The following RBFOX3 variants were observed in gnomAD, a reference collection of about 807,000 sequenced individuals.
RBFOX3 encodes the protein RNA binding fox-1 homolog 3.
Under a neutral mutation model 48.7 loss-of-function variants are expected in RBFOX3, and 17 were observed. That is an observed-to-expected ratio of 0.35 (90% CI 0.24 to 0.52). RBFOX3 has a LOEUF of 0.52. Among genes scored for constraint, RBFOX3 ranks in the 20% least tolerant of loss-of-function variants. The probability of loss-of-function intolerance (pLI) is 0.94; values close to 1 mark genes in which losing one functional copy is unlikely to be tolerated. For synonymous variants in RBFOX3, 212 were observed against 209.5 expected (o/e 1.01, Z -0.10); for missense variants, 382 against 497.5 (o/e 0.77, Z 2.21).
intron 3 of RBFOX3, among the ~76,000 whole-genome samples, chr17:79,279,293 T>A (rs922170): frequency 0.15 from 23,368 of 152,154 alleles, 2,647 homozygotes; most frequent in African/African-American, 0.32. Context: ...TGGCACACAG[T>A]AGGCACTCGA....
chr17:79,620,461 A>G, the RBFOX3 span, among the ~76,000 whole-genome samples: 6 of 150,382 alleles, frequency 4.0e-5, no homozygotes, highest in Non-Finnish European at 4.4e-5. Flanking sequence ...ATGCGCACAC[A>G]CATGCACACG....
chr17:79,520,754 C>T (rs899598909), intron 1 of RBFOX3, among the ~76,000 whole-genome samples: 11 of 152,182 alleles, frequency 7.2e-5, no homozygotes, highest in Non-Finnish European at 1.5e-4. Context: ...CCCTCCAGGG[C>T]GGCAGGGAAA....
At chr17:79,556,425 CATGCTG>C (rs2091765728) in intron 1 of RBFOX3, among the ~76,000 whole-genome samples, 2 of 152,106 alleles carry the variant, frequency 1.3e-5, no homozygotes, top group Non-Finnish European at 2.9e-5. Flanking sequence ...GGGGACAGAC[CATGCTG>C]GAAACAGGGT....
chr17:79,498,868 T>TCATC (rs56766707), intron 1 of RBFOX3, among the ~76,000 whole-genome samples: 45,624 of 135,304 alleles, frequency 0.34, 9,757 homozygotes, highest in Non-Finnish European at 0.43. Flanking sequence ...ACCCATTCGC[T>TCATC]CATCCATCCA....
intron 1 of RBFOX3, among the ~76,000 whole-genome samples, chr17:79,583,363 C>G (rs1251141233): frequency 6.6e-6 from 1 of 152,170 alleles, no homozygotes; most frequent in African/African-American, 2.4e-5. Flanking sequence ...TCCTGGGACC[C>G]CACGGTGACT....
chr17:79,244,864 T>C, intron 3 of RBFOX3, among the ~76,000 whole-genome samples: 1 of 147,842 alleles, frequency 6.8e-6, no homozygotes, highest in East Asian at 2.0e-4. Context: ...TTCCTTTCCT[T>C]TCCCTTCCCT....
rs1567850546 is a variant in RBFOX3, at chr17:79,212,382, CTCCT to C, written c.-34+23380_-34+23383del. On this transcript the variant is annotated intron_variant, in intron 4 of 14. Coordinates refer to ENST00000693108, the MANE Select transcript of RBFOX3 (RefSeq NM_001350451.2). The surrounding 1 kb of genome is among the most constrained non-coding windows in gnomAD (Gnocchi z 4.7). ...GCACTTGCTCCAGCCTCTCTGGCTG[CTCCT>C]TCCTTCCCTCCTGCAGCCGGGCTCC... Among the ~76,000 whole-genome samples, 2 of 152,120 alleles carry C rather than the reference CTCCT, an allele frequency of 1.3e-5. No homozygotes were observed. Among genetic ancestry groups the C allele is most frequent in the Admixed American group, 6.5e-5 (1 of 15,276 alleles).
chr17:79,156,850 G>A (rs1034371605), intron 4 of RBFOX3, among the ~76,000 whole-genome samples: 5 of 152,178 alleles, frequency 3.3e-5, no homozygotes, highest in Non-Finnish European at 7.3e-5. Flanking sequence ...ATGGGAACTG[G>A]CCCTTCTCAG....
At chr17:79,587,296 A>C (rs2093279857) in intron 1 of RBFOX3, among the ~76,000 whole-genome samples, 1 of 152,154 alleles carries the variant, frequency 6.6e-6, no homozygotes, top group Admixed American at 6.5e-5. Context: ...GTGCAATGTA[A>C]GGGGCAGCAG....
intron 4 of RBFOX3, among the ~76,000 whole-genome samples, chr17:79,138,949 CAG>C (rs1303746409): frequency 6.8e-5 from 8 of 118,346 alleles, no homozygotes; most frequent in African/African-American, 2.2e-4. Flanking sequence ...ACACCCCCCT[CAG>C]CCCCACACAT....
intron 4 of RBFOX3, among the ~76,000 whole-genome samples, chr17:79,152,849 C>T (rs1029948079): frequency 1.3e-5 from 2 of 152,216 alleles, no homozygotes; most frequent in African/African-American, 4.8e-5. Context: ...GAACACGGCG[C>T]CGGCCTCCGG....
intron 2 of RBFOX3, among the ~76,000 whole-genome samples, chr17:79,341,148 C>T (rs938803534): frequency 9.9e-5 from 15 of 152,160 alleles, no homozygotes; most frequent in Non-Finnish European, 1.5e-4. Flanking sequence ...CAGACATGCA[C>T]GTATGCACAG....
intron 2 of RBFOX3, among the ~76,000 whole-genome samples, chr17:79,366,136 T>C (rs2147431545): frequency 6.6e-6 from 1 of 152,304 alleles, no homozygotes; most frequent in East Asian, 1.9e-4. Context: ...GACAGAGGCA[T>C]CAATCAACCC....
the RBFOX3 span, among the ~76,000 whole-genome samples, chr17:79,631,047 A>G: frequency 6.6e-6 from 1 of 152,130 alleles, no homozygotes; most frequent in East Asian, 1.9e-4. Flanking sequence ...TCGTCTCTCC[A>G]CTACCTCACG....
chr17:79,257,570 A>G (rs1028247997), intron 3 of RBFOX3, among the ~76,000 whole-genome samples: 3 of 151,958 alleles, frequency 2.0e-5, no homozygotes, highest in Non-Finnish European at 4.4e-5. Context: ...AGTCCTTCTC[A>G]CTGTTCTTTG....
intron 3 of RBFOX3, among the ~76,000 whole-genome samples, chr17:79,280,498 C>T (rs906775022): frequency 3.3e-5 from 5 of 152,208 alleles, no homozygotes; most frequent in African/African-American, 1.2e-4. Flanking sequence ...CACCGGAGCT[C>T]AAGCTCTGTG....
intron 2 of RBFOX3, among the ~76,000 whole-genome samples, chr17:79,409,687 T>C (rs879296529): frequency 6.6e-6 from 1 of 152,176 alleles, no homozygotes; most frequent in Non-Finnish European, 1.5e-5. Flanking sequence ...CCAGAGCAGG[T>C]GGGCCTGAGA....
chr17:79,330,022 C>G (rs2079980326), intron 2 of RBFOX3, among the ~76,000 whole-genome samples: 1 of 152,224 alleles, frequency 6.6e-6, no homozygotes. Context: ...AGGCCTGCAT[C>G]TCTCAGCTCT....
intron 5 of RBFOX3, among the ~76,000 whole-genome samples, chr17:79,108,659 C>T (rs545370071): frequency 6.6e-6 from 1 of 152,382 alleles, no homozygotes; most frequent in Admixed American, 6.5e-5. Flanking sequence ...GCCCCCAGCA[C>T]GGCCACCCTG....
Sources: gnomAD v4.1 joint callset for allele counts (sites outside exome capture counted in the v4.1 genomes callset) on GRCh38, gnomAD v4.1.1 for gene constraint, Gnocchi (gnomAD v3.1) non-coding constraint, MANE v1.5 for transcripts, NCBI Gene and HGNC (gene_info 2026-07-23, HGNC 2026-07-21) for gene names.